The following IGSF10 variants were observed in gnomAD, a reference collection of about 807,000 sequenced individuals.
The protein encoded by IGSF10 is immunoglobulin superfamily member 10, also known as calvaria mechanical force protein 608.
IGSF10 carries 126 observed loss-of-function variants against 128.2 expected under a neutral mutation model. The ratio of observed to expected loss-of-function variants is 0.98; its 90% confidence interval spans 0.85 to 1.14. The LOEUF is 1.14. IGSF10 is among the 50% of genes most tolerant of loss of function. The pLI, the probability that IGSF10 is intolerant of heterozygous loss-of-function variation, is 0.00. For synonymous variants in IGSF10, 1,185 were observed against 1,146.2 expected (o/e 1.03, Z -0.68); for missense variants, 3,295 against 3,149.8 (o/e 1.05, Z -1.10).
the IGSF10 span, among the ~76,000 whole-genome samples, chr3:151,605,790 T>A: frequency 6.6e-6 from 1 of 152,242 alleles, no homozygotes; most frequent in Non-Finnish European, 1.5e-5. Flanking sequence ...TGTGGACAGA[T>A]AACCAGCTTA....
chr3:151,454,612 A>G (rs1721688230), intron 4 of IGSF10, among the ~76,000 whole-genome samples: 1 of 151,844 alleles, frequency 6.6e-6, no homozygotes, highest in Non-Finnish European at 1.5e-5. Flanking sequence ...TTAGTATTTC[A>G]AGTAAATTTA....
At chr3:151,609,399 T>C in the IGSF10 span, among the ~76,000 whole-genome samples, 1 of 152,186 alleles carries the variant, frequency 6.6e-6, no homozygotes, top group Non-Finnish European at 1.5e-5. Flanking sequence ...TCTGTACTTT[T>C]AAAAAGAACA....
Position 151,437,174 on chromosome 3 carries a change from T to A in IGSF10, c.7387A>T (p.Asn2463Tyr). ...CCACTTGGCATAGTCCATTTGATAT[T>A]TGGCTTAGGGATTCCATCAGACACA... ...HCVSDGIPKP[N>Y]IKWTMPSGYV... is the part of the protein sequence containing the mutation. The change falls in exon 8 of 8, where the codon AAT becomes TAT. Residue 2463 changes from asparagine (N) to tyrosine (Y), a missense_variant. By Grantham distance (143) the Asn-to-Tyr change is moderately radical. Transcript: ENST00000282466. 6.2e-7 allele frequency: 1 copy of A among 1,614,208 alleles called. No homozygotes were observed. Among genetic ancestry groups the A allele is most frequent in the Non-Finnish European group, 8.5e-7 (1 of 1,180,020 alleles).
At chr3:151,542,311 T>G in the IGSF10 span, among the ~76,000 whole-genome samples, 1 of 152,186 alleles carries the variant, frequency 6.6e-6, no homozygotes, top group Middle Eastern at 3.2e-3. Flanking sequence ...AGTAATTTTT[T>G]ACTGTATTTT....
rs756735549 is a variant in IGSF10 at position 151,443,010 on chromosome 3, G to T, written c.5937C>A (p.Ser1979=). The T allele has an allele frequency of 4.3e-6, 7 of 1,613,956 alleles. No individual in the cohort carries two copies. The highest frequency in any genetic ancestry group is 1.1e-5 in the South Asian group (1 of 91,078). ...PKPQIMWRLP[S]KAVVDQQHRV... is the part of the protein sequence containing the mutation. Reference sequence around the variant, plus strand: ...TATGCTGCTGGTCGACCACAGCCTTGGATGGTAACCTCCACATTATTTGGG... The same window carrying T: ...TATGCTGCTGGTCGACCACAGCCTTTGATGGTAACCTCCACATTATTTGGG... Residue 1979 remains serine, a synonymous_variant, in exon 7 of 8, where the codon TCC becomes TCA. Coordinates refer to ENST00000282466, the MANE Select transcript of IGSF10 (RefSeq NM_178822.5).
chr3:151,468,146 G>A, the IGSF10 span, among the ~76,000 whole-genome samples: 3 of 152,178 alleles, frequency 2.0e-5, no homozygotes, highest in South Asian at 2.1e-4. Flanking sequence ...AATGGACTCC[G>A]TCCTGAACTT....
At chr3:151,544,493 G>A in the IGSF10 span, among the ~76,000 whole-genome samples, 1 of 152,166 alleles carries the variant, frequency 6.6e-6, no homozygotes, top group Non-Finnish European at 1.5e-5. Flanking sequence ...ATGTTTGAAT[G>A]ACAGTTTGAT....
rs1721231160 is a variant in IGSF10, at chr3:151,446,945, C to T, written c.3036G>A (p.Arg1012=). 1 of 1,614,204 alleles carries T rather than the reference C, an allele frequency of 6.2e-7. No individual in the cohort carries two copies. The highest frequency in any genetic ancestry group is 8.5e-7 in the Non-Finnish European group (1 of 1,180,038). ...GCCCCCTTCCGCCAATTTTCCTCTG[C>T]CTCCCAAAGCGTCTGAACAGCGGGA... The part of the protein sequence containing the change: ...VNIPLFRRFG[R]QRKIGGRGRI... Residue 1012 remains arginine, a synonymous_variant, in exon 6 of 8, where the codon AGG becomes AGA. Coordinates refer to ENST00000282466, the MANE Select transcript of IGSF10 (RefSeq NM_178822.5).
the IGSF10 span, among the ~76,000 whole-genome samples, chr3:151,514,945 G>C: frequency 6.6e-6 from 1 of 152,060 alleles, no homozygotes; most frequent in African/African-American, 2.4e-5. Context: ...TTAGAATGGC[G>C]ATCATTAAAA....
At chr3:151,583,991 T>C in the IGSF10 span, among the ~76,000 whole-genome samples, 1 of 152,224 alleles carries the variant, frequency 6.6e-6, no homozygotes, top group African/African-American at 2.4e-5. Context: ...ACTTAGATTA[T>C]AAATAGCCTT....
In IGSF10 at chr3:151,447,563, A is replaced by G. The variant is rs1184161509; in HGVS notation, c.2418T>C (p.Phe806=). ...TCAAAGCTTTAGTGGCCGGGACCAT[A>G]AATTCCTCATGTAGAGCGAGCATGC... ...SSGMLALHEE[F]MVPATKALNL... Residue 806 remains phenylalanine (F), a synonymous_variant, in exon 6 of 8, where the codon TTT becomes TTC. Coordinates refer to ENST00000282466, the MANE Select transcript of IGSF10 (RefSeq NM_178822.5). The G allele has an allele frequency of 6.2e-7, 1 of 1,614,180 alleles. No individual in the cohort carries two copies. The highest frequency in any genetic ancestry group is 8.5e-7 in the Non-Finnish European group (1 of 1,180,034).
chr3:151,594,229 C>T, the IGSF10 span, among the ~76,000 whole-genome samples: 1 of 151,510 alleles, frequency 6.6e-6, no homozygotes, highest in Admixed American at 6.6e-5. Flanking sequence ...GTCTTAATGG[C>T]TGAGCTATGG....
chr3:151,533,968 AC>A, the IGSF10 span, among the ~76,000 whole-genome samples: 6 of 152,148 alleles, frequency 3.9e-5, no homozygotes, highest in African/African-American at 1.2e-4. Flanking sequence ...GAAAACAACA[AC>A]AACAACTCTT....
At chr3:151,542,905 CT>C in the IGSF10 span, among the ~76,000 whole-genome samples, 2 of 152,118 alleles carry the variant, frequency 1.3e-5, no homozygotes, top group Non-Finnish European at 2.9e-5. Flanking sequence ...ACAATTTTAG[CT>C]TTTTTTCTGA....
the IGSF10 span, among the ~76,000 whole-genome samples, chr3:151,479,651 T>G: frequency 1.3e-5 from 2 of 152,228 alleles, no homozygotes; most frequent in Non-Finnish European, 2.9e-5. Context: ...GAACAGACCT[T>G]TCCTTGTTAG....
chr3:151,616,927 A>C, the IGSF10 span, among the ~76,000 whole-genome samples: 2 of 152,108 alleles, frequency 1.3e-5, no homozygotes, highest in Non-Finnish European at 2.9e-5. Flanking sequence ...ACAGGTAAGG[A>C]CCCTCTGTAG....
rs763453103 is a variant in IGSF10 at position 151,447,599 on chromosome 3, G to C, written c.2382C>G (p.Asp794Glu). ...TQLPNIPGEEDDSSGMLALHE... is the reference protein window; with the variant it reads ...TQLPNIPGEEEDSSGMLALHE... ...GTAGAGCGAGCATGCCTGAGGAATC[G>C]TCTTCTTCACCAGGTATGTTTGGGA... Residue 794 changes from aspartate to glutamate, a missense_variant, in exon 6 of 8, where the codon GAC (aspartate) becomes GAG (glutamate). Physicochemically the swap from Asp to Glu is conservative, Grantham distance 45. Transcript: ENST00000282466. The C allele has an allele frequency of 6.2e-7, 1 of 1,614,110 alleles. No homozygotes were observed. The highest frequency in any genetic ancestry group is 1.3e-5 in the African/African-American group (1 of 75,006).
chr3:151,482,423 A>G, the IGSF10 span, among the ~76,000 whole-genome samples: 1 of 152,194 alleles, frequency 6.6e-6, no homozygotes. Context: ...ATAAAATAAA[A>G]CATACAATTG....
the IGSF10 span, among the ~76,000 whole-genome samples, chr3:151,493,388 C>G: frequency 4.7e-4 from 72 of 152,196 alleles, no homozygotes; most frequent in African/African-American, 1.7e-3. Flanking sequence ...ATATTTTGGT[C>G]AACGATGGAC....
Sources: gnomAD v4.1 joint callset for allele counts (sites outside exome capture counted in the v4.1 genomes callset) on GRCh38, gnomAD v4.1.1 for gene constraint, MANE v1.5 for transcripts, NCBI Gene and HGNC (gene_info 2026-07-23, HGNC 2026-07-21) for gene names.